Variants in COL27A1 observed in about 807,000 individuals in gnomAD.
COL27A1 encodes the protein collagen alpha-1(XXVII) chain.
COL27A1 carries 106 observed loss-of-function variants against 251.3 expected under a neutral mutation model. The observed-to-expected ratio is 0.42, with a 90% CI of 0.36 to 0.50. The LOEUF is 0.50. Among genes scored for constraint, COL27A1 ranks in the 20% least tolerant of loss-of-function variants. COL27A1 has a pLI of 0.00. For missense variants in COL27A1, 2,325 were observed against 2,522.8 expected (o/e 0.92, Z 1.68); for synonymous variants, 1,000 against 986.3 (o/e 1.01, Z -0.26).
At chr9:114,186,020 G>A (rs749469546) in intron 5 of COL27A1, among the ~76,000 whole-genome samples, 10 of 152,348 alleles carry the variant, frequency 6.6e-5, no homozygotes, top group Non-Finnish European at 1.5e-4. Flanking sequence ...GGAGGCCAAG[G>A]GACCTTGCCT....
chr9:114,245,808 A>G lies in COL27A1; in HGVS notation c.2935-58A>G, dbSNP rs1588754399. 2.6e-6 allele frequency: 4 copies of G among 1,537,272 alleles called. No individual in the cohort carries two copies. In the Admixed American group the frequency reaches 5.0e-5, roughly 19 times the overall value. On this transcript the variant is annotated intron_variant, in intron 23 of 60. Transcript: ENST00000356083. ...AGGCCAGCAGGCCTGGGACTTCCCC[A>G]GGAGGTCTAGACTTTCATCTCCCAT...
At chr9:114,256,172 C>T (rs971228191) in intron 27 of COL27A1, among the ~76,000 whole-genome samples, 5 of 152,152 alleles carry the variant, frequency 3.3e-5, no homozygotes, top group Admixed American at 6.5e-5. Context: ...CCATGTTGTC[C>T]GATAGCACAT....
chr9:114,253,300 A>AAAGAAAGAAAGAAAGG (rs1280628421), intron 27 of COL27A1, among the ~76,000 whole-genome samples: 5 of 138,380 alleles, frequency 3.6e-5, no homozygotes, highest in Admixed American at 6.9e-5. Flanking sequence ...AGAGAAAAAG[A>AAAGAAAGAAAGAAAGG]AAGAAAGAAA....
intron 3 of COL27A1, among the ~76,000 whole-genome samples, chr9:114,176,807 C>T (rs1283568734): frequency 6.6e-6 from 1 of 152,190 alleles, no homozygotes; most frequent in Non-Finnish European, 1.5e-5. Context: ...CCTTGGTACC[C>T]ATATCTGCCT....
At chr9:114,211,976 A>G (rs10121923) in intron 12 of COL27A1, among the ~76,000 whole-genome samples, 2,028 of 152,300 alleles carry the variant, frequency 0.013, 48 homozygotes, top group African/African-American at 0.045. Context: ...TATGAAGAGG[A>G]GGCCTGGAGC....
intron 37 of COL27A1, among the ~76,000 whole-genome samples, chr9:114,276,287 C>G (rs182401251): frequency 5.9e-5 from 9 of 152,334 alleles, no homozygotes; most frequent in Admixed American, 5.2e-4. Context: ...AGACCAAGAC[C>G]TTTTCTGGCC....
In COL27A1 at chr9:114,290,022, C is replaced by T; in HGVS notation, c.4207-36C>T. On this transcript the variant is annotated intron_variant, in intron 45 of 60. Transcript: ENST00000356083. This position sits in a 1 kb window ranked among gnomAD's most constrained non-coding sequence, Gnocchi z 4.6. ...AGCCCCTAGGGTCCCACACCTCTAC[C>T]AGGCAGCCTCCATCATGTGGCCCTT... 1 of 1,610,516 alleles carries T rather than the reference C, an allele frequency of 6.2e-7. No individual in the cohort carries two copies. Among genetic ancestry groups the T allele is most frequent in the South Asian group, 1.1e-5 (1 of 90,958 alleles).
chr9:114,306,845 A>G (rs1457454834), intron 58 of COL27A1, among the ~76,000 whole-genome samples, 157 bp downstream of exon 58: 2 of 152,226 alleles, frequency 1.3e-5, no homozygotes, highest in African/African-American at 4.8e-5. Flanking sequence ...AGAGCCTCAC[A>G]ATATACCAAG....
intron 3 of COL27A1, among the ~76,000 whole-genome samples, chr9:114,170,454 G>A (rs1588574708): frequency 6.6e-6 from 1 of 152,268 alleles, no homozygotes; most frequent in East Asian, 1.9e-4. Context: ...CCGTGTGGTG[G>A]CCTCTCTCTC....
chr9:114,301,502 G>A (rs1363679748), intron 54 of COL27A1, 40 bp downstream of exon 54: 1 of 1,593,098 alleles, frequency 6.3e-7, no homozygotes, highest in Non-Finnish European at 8.6e-7. Context: ...GCGGGGCGTG[G>A]GGCGGGCACC....
At chr9:114,186,798 T>C (rs1828373621) in intron 5 of COL27A1, among the ~76,000 whole-genome samples, 1 of 151,970 alleles carries the variant, frequency 6.6e-6, no homozygotes, top group African/African-American at 2.4e-5. Flanking sequence ...AGAGCTTGGC[T>C]GGTGGCCAGA....
At chr9:114,191,480 C>A (rs1828743463) in intron 5 of COL27A1, among the ~76,000 whole-genome samples, 1 of 152,106 alleles carries the variant, frequency 6.6e-6, no homozygotes, top group Admixed American at 6.5e-5. Context: ...TCCATGTGTT[C>A]TCATTGTTCA....
At chr9:114,284,199 C>T (rs1836111396) in intron 40 of COL27A1, among the ~76,000 whole-genome samples, 1 of 152,192 alleles carries the variant, frequency 6.6e-6, no homozygotes, top group Non-Finnish European at 1.5e-5. Context: ...GGATAAAGAG[C>T]ATGCACGAGG....
chr9:114,233,040 C>T (rs991897059), intron 16 of COL27A1, among the ~76,000 whole-genome samples: 3 of 152,238 alleles, frequency 2.0e-5, no homozygotes, highest in Non-Finnish European at 4.4e-5. Flanking sequence ...CACTGCACTC[C>T]AGCCTGGGCA....
rs535601770 is a variant in COL27A1, at chr9:114,169,290, C to G, written c.1735C>G (p.Gln579Glu). 7.4e-6 allele frequency: 12 copies of G among 1,612,214 alleles called. No individual in the cohort carries two copies. In the South Asian group the frequency reaches 1.3e-4, roughly 18 times the overall value. ...TCTGACAACCAGGCCTAGCCCCAGA[C>G]AGCCCCAGCCCAGTCAGCAGACCAC... ...SDLTTRPSPR[Q>E]PQPSQQTTPA... The change falls in exon 3 of 61, where the codon CAG becomes GAG. Residue 579 changes from glutamine to glutamate, a missense_variant. By Grantham distance (29) the Gln-to-Glu change is conservative. This residue lies in a region of COL27A1 where 1,183 missense variants were observed against 1,144.1 expected (regional missense o/e 1.03). Transcript: ENST00000356083.
At chr9:114,251,138 C>CT (rs1471134374) in intron 25 of COL27A1, among the ~76,000 whole-genome samples, 1 of 152,172 alleles carries the variant, frequency 6.6e-6, no homozygotes, top group East Asian at 1.9e-4. Context: ...CAAAGGTTAG[C>CT]TACACTTTGC....
intron 58 of COL27A1, 148 bp downstream of exon 58, chr9:114,306,836 G>T: frequency 1.2e-6 from 1 of 844,162 alleles, no homozygotes; most frequent in Non-Finnish European, 1.8e-6. Context: ...AGCAGTCACA[G>T]AGCCTCACAA....
intron 5 of COL27A1, among the ~76,000 whole-genome samples, chr9:114,185,455 C>A (rs1219025813): frequency 2.6e-5 from 4 of 152,192 alleles, no homozygotes; most frequent in African/African-American, 7.2e-5. Context: ...TGGGCCAGGG[C>A]CCTAGGCTGA....
intron 7 of COL27A1, among the ~76,000 whole-genome samples, chr9:114,197,432 C>G (rs2808789): frequency 0.82 from 124,384 of 152,204 alleles, 51,209 homozygotes; most frequent in Non-Finnish European, 0.83. Context: ...TTCTGGCTCA[C>G]AGAACACAGA....
Sources: allele counts gnomAD v4.1 joint callset (sites outside exome capture counted in the v4.1 genomes callset), GRCh38; gene constraint gnomAD v4.1.1; regional missense constraint gnomAD v4.1.1; non-coding constraint Gnocchi (gnomAD v3.1); transcripts MANE v1.5; gene names NCBI Gene and HGNC (gene_info 2026-07-23, HGNC 2026-07-21).